PCDHA5: variants seen among roughly 807,000 people sequenced by gnomAD.
The protein encoded by PCDHA5 is protocadherin alpha-5.
A neutral mutation model predicts 61.6 loss-of-function variants in PCDHA5; 43 were observed. That is an observed-to-expected ratio of 0.70 (90% CI 0.55 to 0.90). PCDHA5 has a LOEUF of 0.90. Among genes scored for constraint, PCDHA5 ranks in the 40% least tolerant of loss-of-function variants. PCDHA5 has a pLI of 0.00. For synonymous variants in PCDHA5, 627 were observed against 543.9 expected, an observed-to-expected ratio of 1.15 and a Z score of -2.13; for missense variants, 1,298 against 1,222.7, an observed-to-expected ratio of 1.06 and a Z score of -0.92.
chr5:140,916,563 G>A (rs2077621809), intron 1 of PCDHA5, among the ~76,000 whole-genome samples: 1 of 152,198 alleles, frequency 6.6e-6, no homozygotes, highest in African/African-American at 2.4e-5. Context: ...TGTCCAGGGT[G>A]TGTCTAGAAA....
rs782096178 is a variant in PCDHA5 at position 140,876,689 on chromosome 5, CGTT to C, written c.2352+52564_2352+52566del. The C allele has an allele frequency of 6.2e-6, 10 of 1,614,110 alleles. No homozygotes were observed. The East Asian group carries it at 1.6e-4, about 25-fold the overall frequency. On this transcript the variant is annotated intron_variant, in intron 1 of 3. Coordinates refer to ENST00000529859, the MANE Select transcript of PCDHA5 (RefSeq NM_018908.3). ...GTGTCCACCTACAAGAATTACTACT[CGTT>C]GGTGCTGGACAGCGCCCTGGACCGC...
chr5:140,840,692 G>C lies in PCDHA5; in HGVS notation c.2352+16565G>C, dbSNP rs181650579. 2.7e-4 allele frequency among the ~76,000 whole-genome samples: 41 copies of C among 152,042 alleles called. No homozygotes were observed. The East Asian group carries it at 2.9e-3, about 11-fold the overall frequency. On this transcript the variant is annotated intron_variant, in intron 1 of 3. Transcript: ENST00000529859. ...TTTTTATTACTTTAGTAAATAAAAC[G>C]GTTCAGGCAATTTGACATTTATTGA...
intron 1 of PCDHA5, among the ~76,000 whole-genome samples, chr5:140,906,888 A>C (rs1438258969): frequency 6.6e-6 from 1 of 152,102 alleles, no homozygotes; most frequent in Admixed American, 6.5e-5. Flanking sequence ...CTTCCTTCTT[A>C]GATTGTTGGT....
chr5:140,846,373 CTT>C (rs374699051), intron 1 of PCDHA5, among the ~76,000 whole-genome samples: 1,689 of 55,008 alleles, frequency 0.031, 26 homozygotes, highest in African/African-American at 0.077. Context: ...TTCTTTCTTT[CTT>C]TTTTTTTTTT....
chr5:140,870,366 A>G, intron 1 of PCDHA5: 1 of 1,613,926 alleles, frequency 6.2e-7, no homozygotes, highest in South Asian at 1.1e-5. Flanking sequence ...GGGCCTATGA[A>G]CTGGTGGTGA....
chr5:140,870,149 T>G (rs2051707862), intron 1 of PCDHA5: 2 of 1,613,952 alleles, frequency 1.2e-6, no homozygotes, highest in Non-Finnish European at 8.5e-7. Context: ...TCTCCTGAAG[T>G]CGCCGTGACT....
chr5:140,947,772 G>A (rs77655739), intron 1 of PCDHA5, among the ~76,000 whole-genome samples: 3,551 of 151,528 alleles, frequency 0.023, 49 homozygotes, highest in Middle Eastern at 0.034. Flanking sequence ...AAATTCTATT[G>A]TAAATGGATT....
chr5:140,823,060 G>A lies in PCDHA5; in HGVS notation c.1285G>A (p.Gly429Arg). Residue 429 changes from glycine to arginine, a missense_variant, in exon 1 of 4, where the codon GGG (glycine) becomes AGG (arginine). Transcript: ENST00000529859. ...TGAGCTGGTGGTGACCGCGCGGGAC[G>A]GGGGCTCGCCTTCGCTGTGGGCCAC... ...VYELVVTARD[G>R]GSPSLWATAS... 1 of 1,614,138 alleles carries A rather than the reference G, an allele frequency of 6.2e-7. No individual in the cohort carries two copies. Among genetic ancestry groups the A allele is most frequent in the Non-Finnish European group, 8.5e-7 (1 of 1,180,050 alleles).
chr5:140,952,121 C>A (rs993598007), intron 1 of PCDHA5, among the ~76,000 whole-genome samples: 1 of 152,102 alleles, frequency 6.6e-6, no homozygotes, highest in Non-Finnish European at 1.5e-5. Context: ...GGGATGGGCT[C>A]CCAAGGCCTT....
intron 1 of PCDHA5, among the ~76,000 whole-genome samples, chr5:140,953,003 A>G (rs2094831963): frequency 6.6e-6 from 1 of 152,190 alleles, no homozygotes; most frequent in Non-Finnish European, 1.5e-5. Context: ...CTCTCTCACT[A>G]TTATGAGAAC....
intron 1 of PCDHA5, among the ~76,000 whole-genome samples, chr5:140,874,129 G>A (rs1400596915): frequency 6.6e-6 from 1 of 151,518 alleles, no homozygotes; most frequent in African/African-American, 2.5e-5. Context: ...GTTTATTTAA[G>A]TTATCTTATA....
Position 140,838,280 on chromosome 5 carries a change from AT to A in PCDHA5, c.2352+14168del, listed in dbSNP as rs2150286950. On this transcript the variant is annotated intron_variant, in intron 1 of 3. Transcript: ENST00000529859. ...AGACGCCAACAACCAAGCCATGCTAATTTTTTTTTTTTTTTGTATTTTTAGT... is the reference window on the plus strand; with the variant it reads ...AGACGCCAACAACCAAGCCATGCTAATTTTTTTTTTTTTTGTATTTTTAGT... 8.7e-4 allele frequency among the ~76,000 whole-genome samples: 122 copies of A among 139,548 alleles called. 1 individual carries two copies. The highest frequency in any genetic ancestry group is 4.8e-3 in the South Asian group (21 of 4,398). The allele number at this position is 139,548 out of a possible 152,430, so 91.5% of individuals were successfully genotyped here. A position where few individuals can be genotyped will look rare whatever the true frequency, so the allele number is the denominator to read the frequency against.
At position 140,967,211 on chromosome 5, in the gene PCDHA5, C is replaced by T. The variant is rs549238768; in HGVS notation, c.2353-11738C>T. On this transcript the variant is annotated intron_variant, in intron 1 of 3. Transcript: ENST00000529859. ...CATCAACGACAACTCACCGCGTTTC[C>T]CGCGGCCCAACTACCAGCTTCAGGT... 1.1e-5 allele frequency: 18 copies of T among 1,613,676 alleles called. No individual in the cohort carries two copies. The East Asian group carries it at 3.3e-4, about 30-fold the overall frequency.
In PCDHA5 at chr5:140,886,699, G is replaced by A. The variant is rs540537249; in HGVS notation, c.2352+62572G>A. Among the ~76,000 whole-genome samples the A allele has an allele frequency of 7.8e-4, 119 of 151,966 alleles. 1 individual carries two copies. In the East Asian group the frequency reaches 0.01, roughly 13 times the overall value. ...AAATTAGCGAGGCATGGTGGCACGC[G>A]CCTGTAATCCCAGCTACTTGGGAGG... On this transcript the variant is annotated intron_variant, in intron 1 of 3. Transcript: ENST00000529859.
In PCDHA5 at chr5:141,009,880, C is replaced by G; in HGVS notation, c.2754C>G (p.Asn918Lys). The G allele has an allele frequency of 6.2e-7, 1 of 1,613,788 alleles. No individual in the cohort carries two copies. The highest frequency in any genetic ancestry group is 1.1e-5 in the South Asian group (1 of 91,042). The change falls in exon 4 of 4, where the codon AAC (asparagine) becomes AAG (lysine). Residue 918 changes from asparagine to lysine, a missense_variant. By Grantham distance (94) the Asn-to-Lys change is moderately conservative. Transcript: ENST00000529859. ...TKKKKKKKKGNKTQEKKEKGN... is the reference protein window; with the variant it reads ...TKKKKKKKKGKKTQEKKEKGN... ...AAAAGAAGAAAAAGAAGAAGGGTAA[C>G]AAGACCCAGGAGAAAAAAGAGAAAG...
At position 140,822,512 on chromosome 5, in the gene PCDHA5, A is replaced by G. The variant is rs2150116913; in HGVS notation, c.737A>G (p.Tyr246Cys). 3 of 1,613,952 alleles carry G rather than the reference A, an allele frequency of 1.9e-6. No individual in the cohort carries two copies. The East Asian group carries it at 6.7e-5, about 36-fold the overall frequency. The change falls in exon 1 of 4, where the codon TAT (tyrosine) becomes TGT (cysteine). Residue 246 changes from tyrosine (Y) to cysteine (C), a missense_variant. Tyr to Cys is a radical substitution (Grantham distance 194, BLOSUM62 -2). Transcript: ENST00000529859. ...DNAPEFDKSI[Y>C]NVRLLENAPS... ...GCCCCAGAATTTGATAAATCCATTT[A>G]TAATGTCAGATTGTTGGAAAATGCA...
rs1031755500 is a variant in PCDHA5 at position 140,856,096 on chromosome 5, G to A, written c.2352+31969G>A. 31 of 1,597,342 alleles carry A rather than the reference G, an allele frequency of 1.9e-5. 3 individuals are homozygous for A. The Admixed American group carries it at 5.2e-4, about 27-fold the overall frequency. On this transcript the variant is annotated intron_variant, in intron 1 of 3. Transcript: ENST00000529859. ...TGGGGGTCCAGTGTCTGCTGCTCTCGCTTCTTCTCCTCGCAGCCTGGGAGG... is the reference window on the plus strand; with the variant it reads ...TGGGGGTCCAGTGTCTGCTGCTCTCACTTCTTCTCCTCGCAGCCTGGGAGG...
In PCDHA5 at chr5:141,005,428, G is replaced by T. The variant is rs907211430; in HGVS notation, c.2501-4199G>T. On this transcript the variant is annotated intron_variant, in intron 3 of 3. Transcript: ENST00000529859. ...AGAGTGAGGAGTCATGCTAAGAATG[G>T]ATGAGAGGCTCACGCCTGTAATCCC... Among the ~76,000 whole-genome samples, 21 of 152,154 alleles carry T rather than the reference G, an allele frequency of 1.4e-4. 1 individual carries two copies. The highest frequency in any genetic ancestry group is 1.2e-3 in the Admixed American group (19 of 15,266).
intron 1 of PCDHA5, among the ~76,000 whole-genome samples, chr5:140,952,559 G>A (rs1185999097): frequency 6.6e-6 from 1 of 152,108 alleles, no homozygotes; most frequent in Non-Finnish European, 1.5e-5. Flanking sequence ...TTCACTATCA[G>A]CACTTCGGTC....
Sources: allele counts gnomAD v4.1 joint callset (sites outside exome capture counted in the v4.1 genomes callset), GRCh38; gene constraint gnomAD v4.1.1; transcripts MANE v1.5; gene names NCBI Gene and HGNC (gene_info 2026-07-23, HGNC 2026-07-21).